PKNOX1: variants seen among roughly 807,000 people sequenced by gnomAD.
The protein encoded by PKNOX1 is PBX/knotted 1 homeobox 1.
In PKNOX1, 15 loss-of-function variants were observed where a neutral mutation model predicts 51.9. The ratio of observed to expected loss-of-function variants is 0.29; its 90% CI spans 0.19 to 0.45. The LOEUF (loss-of-function observed/expected upper bound fraction) is 0.45, where lower values mean the gene tolerates loss of function less well. Among genes scored for constraint, PKNOX1 ranks in the 20% least tolerant of loss-of-function variants. PKNOX1 has a pLI of 1.00. For missense variants in PKNOX1, 462 were observed against 547.5 expected (o/e 0.84, Z 1.56); for synonymous variants, 219 against 211.1 (o/e 1.04, Z -0.32).
intron 3 of PKNOX1, among the ~76,000 whole-genome samples, chr21:43,009,723 G>A (rs751608161): frequency 1.2e-4 from 19 of 152,102 alleles, no homozygotes; most frequent in Admixed American, 2.6e-4. Flanking sequence ...CAGGTTAGAC[G>A]GTTCCCATTT....
In PKNOX1 at chr21:43,023,383, C is replaced by T. The variant is rs550371792; in HGVS notation, c.850-1488C>T. 9.9e-5 allele frequency among the ~76,000 whole-genome samples: 15 copies of T among 152,148 alleles called. No homozygotes were observed. The East Asian group carries it at 2.1e-3, about 22-fold the overall frequency. The stretch of plus-strand genomic sequence containing the variant: ...GTGATGGGCAGGGGTGTTTCCACGC[C>T]GCACTCAGTGTTCCTTTCACGTCAA... On this transcript the variant is annotated intron_variant, in intron 8 of 10. Transcript: ENST00000291547.
chr21:42,975,588 G>T (rs1305845830), intron 1 of PKNOX1, among the ~76,000 whole-genome samples: 2 of 152,208 alleles, frequency 1.3e-5, no homozygotes, highest in Non-Finnish European at 2.9e-5. Context: ...CGTGGCTCTC[G>T]AAATGCCTTA....
At chr21:43,028,408 A>G (rs1980074876) in intron 9 of PKNOX1, among the ~76,000 whole-genome samples, 1 of 151,766 alleles carries the variant, frequency 6.6e-6, no homozygotes. Flanking sequence ...CTATGTCGTT[A>G]TGAGTATCTA....
chr21:43,022,812 G>A (rs115553368), intron 8 of PKNOX1, among the ~76,000 whole-genome samples: 3 of 152,138 alleles, frequency 2.0e-5, no homozygotes, highest in African/African-American at 4.8e-5. Flanking sequence ...TTAACATGAG[G>A]AATGAGGGCT....
chr21:43,003,285 C>A (rs561434390), intron 1 of PKNOX1, among the ~76,000 whole-genome samples: 4 of 152,232 alleles, frequency 2.6e-5, no homozygotes, highest in Admixed American at 1.3e-4. Flanking sequence ...TGCTCTCCCC[C>A]ACTCTGCAGT....
intron 1 of PKNOX1, among the ~76,000 whole-genome samples, chr21:42,986,229 G>A (rs145471585): frequency 2.6e-5 from 4 of 152,186 alleles, no homozygotes; most frequent in African/African-American, 7.2e-5. Flanking sequence ...ATGGCTGGGC[G>A]CAGTGGCTCA....
intron 1 of PKNOX1, among the ~76,000 whole-genome samples, chr21:42,986,174 C>T (rs1167076561): frequency 6.6e-6 from 1 of 152,032 alleles, no homozygotes; most frequent in East Asian, 1.9e-4. Flanking sequence ...TTGAATATTA[C>T]ACTTCAAATG....
chr21:42,976,881 C>T (rs768570641), intron 1 of PKNOX1, among the ~76,000 whole-genome samples: 13 of 152,132 alleles, frequency 8.5e-5, no homozygotes, highest in African/African-American at 2.9e-4. Context: ...CAGATTCATG[C>T]GAGGAATCAC....
Position 43,030,119 on chromosome 21 carries a change from C to A in PKNOX1, c.*18C>A, listed in dbSNP as rs1280803787. ...TGCAGTAGGGGCAGGAGCAGACGCACCTGACTTTTTGGAGTTTGCACAGCA... is the reference window on the plus strand; with the variant it reads ...TGCAGTAGGGGCAGGAGCAGACGCAACTGACTTTTTGGAGTTTGCACAGCA... On this transcript the variant is annotated 3_prime_UTR_variant, in exon 11 of 11. Coordinates refer to ENST00000291547, the MANE Select transcript of PKNOX1 (RefSeq NM_004571.5). The A allele has an allele frequency of 6.4e-7, 1 of 1,552,108 alleles. No individual in the cohort carries two copies. Among genetic ancestry groups the A allele is most frequent in the South Asian group, 1.2e-5 (1 of 85,418 alleles).
intron 1 of PKNOX1, among the ~76,000 whole-genome samples, chr21:42,976,533 A>G (rs980657867): frequency 6.6e-6 from 1 of 152,228 alleles, no homozygotes; most frequent in Non-Finnish European, 1.5e-5. Flanking sequence ...TCAAAGTTGG[A>G]GGCTATTCTC....
intron 7 of PKNOX1, among the ~76,000 whole-genome samples, chr21:43,020,939 C>A (rs745911250): frequency 5.3e-5 from 8 of 152,172 alleles, no homozygotes; most frequent in Non-Finnish European, 8.8e-5. Flanking sequence ...GAGACCCTGC[C>A]TCTACAAAAA....
chr21:42,992,769 G>A (rs571573851), intron 1 of PKNOX1, among the ~76,000 whole-genome samples: 6 of 147,110 alleles, frequency 4.1e-5, no homozygotes, highest in Non-Finnish European at 4.5e-5. Flanking sequence ...TAGCATTGGG[G>A]GCTTCCTCAC....
At chr21:42,985,870 G>A (rs555746795) in intron 1 of PKNOX1, among the ~76,000 whole-genome samples, 25 of 151,874 alleles carry the variant, frequency 1.6e-4, no homozygotes, top group South Asian at 4.2e-4. Flanking sequence ...TCATGGTGGC[G>A]GGTGCCTATA....
At chr21:42,988,695 T>C (rs1441926445) in intron 1 of PKNOX1, among the ~76,000 whole-genome samples, 1 of 151,898 alleles carries the variant, frequency 6.6e-6, no homozygotes, top group East Asian at 1.9e-4. Context: ...CTCCCATGCT[T>C]CACCGAGAGC....
At chr21:43,005,514 C>T (rs1978947938) in intron 2 of PKNOX1, among the ~76,000 whole-genome samples, 1 of 147,610 alleles carries the variant, frequency 6.8e-6, no homozygotes, top group South Asian at 2.2e-4. Flanking sequence ...AGTCCTTAGT[C>T]CTTTGGTATT....
intron 1 of PKNOX1, among the ~76,000 whole-genome samples, chr21:42,978,578 G>A (rs1159073523): frequency 1.3e-5 from 2 of 150,984 alleles, no homozygotes; most frequent in Non-Finnish European, 2.9e-5. Context: ...CTGCCTCCCG[G>A]GTTCAAGTGA....
At chr21:42,981,753 C>T (rs146966081) in intron 1 of PKNOX1, among the ~76,000 whole-genome samples, 320 of 152,232 alleles carry the variant, frequency 2.1e-3, no homozygotes, top group Non-Finnish European at 4.1e-3. Flanking sequence ...CTGCGATTGA[C>T]GCTGGAATGA....
In PKNOX1 at chr21:43,029,943, T is replaced by C. The variant is rs962832735; in HGVS notation, c.1153T>C (p.Ser385Pro). The change falls in exon 11 of 11, where the codon TCT (serine) becomes CCT (proline). Residue 385 changes from serine to proline, a missense_variant. Ser to Pro is a moderately conservative substitution (Grantham distance 74). Transcript: ENST00000291547. ...GAACATGAACGTGGACAGCCTTCAG[T>C]CTCTGTCCTCGGACGGGGCCACCCT... ...PVNMNVDSLQ[S>P]LSSDGATLAV... is the part of the protein sequence containing the mutation. 6 of 1,614,056 alleles carry C rather than the reference T, an allele frequency of 3.7e-6. No homozygotes were observed. The African/African-American group carries it at 8.0e-5, about 22-fold the overall frequency.
chr21:42,985,300 C>T (rs1275915012), intron 1 of PKNOX1, among the ~76,000 whole-genome samples: 2 of 151,782 alleles, frequency 1.3e-5, no homozygotes, highest in African/African-American at 4.8e-5. Flanking sequence ...TATTTTCTTT[C>T]TGTTCCTTTT....
Sources: allele counts gnomAD v4.1 joint callset (sites outside exome capture counted in the v4.1 genomes callset), GRCh38; gene constraint gnomAD v4.1.1; transcripts MANE v1.5; gene names NCBI Gene and HGNC (gene_info 2026-07-23, HGNC 2026-07-21).